The following SPTBN1 variants were observed in gnomAD, a reference collection of about 807,000 sequenced individuals.
SPTBN1 encodes the protein spectrin beta chain, non-erythrocytic 1.
A neutral mutation model predicts 266.4 loss-of-function variants in SPTBN1; 32 were observed. That is an observed-to-expected ratio of 0.12 (90% CI 0.09 to 0.16). The LOEUF is 0.16. Among genes scored for constraint, SPTBN1 ranks in the 10% least tolerant of loss-of-function variants. The pLI is 1.00. For synonymous variants in SPTBN1, 1,336 were observed against 1,162.2 expected, an observed-to-expected ratio of 1.15 and a Z score of -3.04; for missense variants, 2,296 against 3,067.1, an observed-to-expected ratio of 0.75 and a Z score of 5.94.
At chr2:54,643,988 TA>T (rs1679752906) in intron 19 of SPTBN1, among the ~76,000 whole-genome samples, 1 of 44,592 alleles carries the variant, frequency 2.2e-5, no homozygotes, top group Non-Finnish European at 6.3e-5. Flanking sequence ...ATAACAATAA[TA>T]ATAATAATAA....
At position 54,664,308 on chromosome 2, in the gene SPTBN1, C is replaced by T; in HGVS notation, c.6421-145C>T. 1 of 778,736 alleles carries T rather than the reference C, an allele frequency of 1.3e-6. No individual in the cohort carries two copies. The highest frequency in any genetic ancestry group is 1.9e-5 in the South Asian group (1 of 52,364). 48.2% of individuals were successfully genotyped at this position (778,736 alleles called of 1,614,324 possible). A position where few individuals can be genotyped will look rare whatever the true frequency, so the allele number is the denominator to read the frequency against. On this transcript the variant is annotated intron_variant, in intron 32 of 35. Transcript: ENST00000356805. The surrounding 1 kb of genome is among the most constrained non-coding windows in gnomAD (Gnocchi z 5.6). The stretch of plus-strand genomic sequence containing the variant: ...TCTAATGTCCTTGATGTCCAGCTGG[C>T]TTTGTGGGTGTGCAATGGTTTTACT...
At chr2:54,658,639 C>CA (rs933572153) in intron 30 of SPTBN1, among the ~76,000 whole-genome samples, 1 of 152,196 alleles carries the variant, frequency 6.6e-6, no homozygotes, top group African/African-American at 2.4e-5. Context: ...TGTGTTAAAA[C>CA]AGAGTACTTC....
At chr2:54,493,960 G>A (rs1432145538) in intron 1 of SPTBN1, among the ~76,000 whole-genome samples, 1 of 152,166 alleles carries the variant, frequency 6.6e-6, no homozygotes, top group Non-Finnish European at 1.5e-5. Flanking sequence ...TGGAACACAT[G>A]CAAAGAAAGG....
Position 54,646,992 on chromosome 2 carries a change from C to T in SPTBN1, c.4867-139C>T, listed in dbSNP as rs761208028. The T allele has an allele frequency of 5.3e-5, 66 of 1,239,460 alleles. No individual in the cohort carries two copies. Among genetic ancestry groups the T allele is most frequent in the Non-Finnish European group, 6.9e-5 (62 of 898,438 alleles). The allele number at this position is 1,239,460 out of a possible 1,614,324, so 76.8% of individuals were successfully genotyped here. ...GAAGCTCTTGGAACACTTCTGTGTT[C>T]CACTGTCCGTACTGCACCTCTGGAG... On this transcript the variant is annotated intron_variant, in intron 23 of 35. Coordinates refer to ENST00000356805, the MANE Select transcript of SPTBN1 (RefSeq NM_003128.3). This position sits in a 1 kb window ranked among gnomAD's most constrained non-coding sequence, Gnocchi z 4.4.
rs11896006 is a variant in SPTBN1, at chr2:54,628,552, C to G, written c.1798+302C>G. 2.6e-5 allele frequency among the ~76,000 whole-genome samples: 4 copies of G among 152,182 alleles called. No individual in the cohort carries two copies. Among genetic ancestry groups the G allele is most frequent in the Admixed American group, 6.5e-5 (1 of 15,278 alleles). On this transcript the variant is annotated intron_variant, in intron 13 of 35. Coordinates refer to ENST00000356805, the MANE Select transcript of SPTBN1 (RefSeq NM_003128.3). The surrounding 1 kb of genome is among the most constrained non-coding windows in gnomAD (Gnocchi z 4.3). ...GCACCGACACCCTGGTGTGGCTGTT[C>G]CAGCAGCTCCTGGCTTTCACAGCTG...
intron 2 of SPTBN1, among the ~76,000 whole-genome samples, chr2:54,549,971 C>A (rs1166787793): frequency 2.0e-5 from 3 of 152,152 alleles, no homozygotes; most frequent in African/African-American, 7.2e-5. Flanking sequence ...ATCTCAGTAG[C>A]CTGAGCATGG....
Position 54,668,870 on chromosome 2 carries a change from C to G in SPTBN1, c.*301C>G, listed in dbSNP as rs1681561452. ...TTTTGTGAGGCTGTGTTGGAAATAA[C>G]CCGCCTCTAGTGCTGTTGGTATGCA... On this transcript the variant is annotated 3_prime_UTR_variant, in exon 36 of 36. Coordinates refer to ENST00000356805, the MANE Select transcript of SPTBN1 (RefSeq NM_003128.3). 1 of 328,976 alleles carries G rather than the reference C, an allele frequency of 3.0e-6. No homozygotes were observed. The highest frequency in any genetic ancestry group is 5.7e-6 in the Non-Finnish European group (1 of 174,270). 20.4% of individuals were successfully genotyped at this position (328,976 alleles called of 1,614,324 possible).
chr2:54,653,076 T>C lies in SPTBN1; in HGVS notation c.5578-533T>C, dbSNP rs1409022535. 1 of 152,254 alleles carries C rather than the reference T, an allele frequency of 6.6e-6. No homozygotes were observed. The highest frequency in any genetic ancestry group is 2.4e-5 in the African/African-American group (1 of 41,466). 9.4% of individuals were successfully genotyped at this position (152,254 alleles called of 1,614,324 possible). ...CAAGTTTCACCTTCTTTAACGTTAA[T>C]TAGTTATTTTAACCACATAGGGTGC... On this transcript the variant is annotated intron_variant, in intron 26 of 35. Transcript: ENST00000356805. The surrounding 1 kb of genome is among the most constrained non-coding windows in gnomAD (Gnocchi z 5.1).
At chr2:54,522,117 G>C (rs1670478860) in intron 1 of SPTBN1, among the ~76,000 whole-genome samples, 1 of 151,652 alleles carries the variant, frequency 6.6e-6, no homozygotes, top group African/African-American at 2.4e-5. Flanking sequence ...GTCCAGTCTG[G>C]TCTTTAACGC....
Position 54,558,727 on chromosome 2 carries a change from G to A in SPTBN1, c.148+32161G>A, listed in dbSNP as rs1673056716. The stretch of plus-strand genomic sequence containing the variant: ...GCGTGTTGGATGGGAGTGGGAGGGG[G>A]CTGGAGCGAGATTTCCAGGGCGCAG... On this transcript the variant is annotated intron_variant, in intron 2 of 35. Transcript: ENST00000356805. The surrounding 1 kb of genome is among the most constrained non-coding windows in gnomAD (Gnocchi z 4.6). The A allele has an allele frequency of 5.7e-6, 9 of 1,588,470 alleles. No individual in the cohort carries two copies. The South Asian group carries it at 8.0e-5, about 14-fold the overall frequency.
chr2:54,520,034 A>G (rs546867260), intron 1 of SPTBN1, among the ~76,000 whole-genome samples: 76 of 152,264 alleles, frequency 5.0e-4, no homozygotes, highest in African/African-American at 1.6e-3. Context: ...AGACACCTGC[A>G]CCTTGCAGGG....
chr2:54,598,905 T>C (rs1184968442), intron 2 of SPTBN1, among the ~76,000 whole-genome samples, 187 bp from the exon 3 acceptor site: 1 of 152,244 alleles, frequency 6.6e-6, no homozygotes, highest in Non-Finnish European at 1.5e-5. Flanking sequence ...AAATTGTAAG[T>C]TGAACCATCA....
At chr2:54,575,139 A>G (rs527303490) in intron 2 of SPTBN1, among the ~76,000 whole-genome samples, 1 of 152,330 alleles carries the variant, frequency 6.6e-6, no homozygotes, top group South Asian at 2.1e-4. Flanking sequence ...CCATCAGCAC[A>G]TGGGTAGATT....
intron 18 of SPTBN1, among the ~76,000 whole-genome samples, chr2:54,638,664 T>C (rs1262252529): frequency 1.3e-5 from 2 of 152,244 alleles, no homozygotes; most frequent in African/African-American, 2.4e-5. Context: ...CACACCATAT[T>C]TCTCTGTCTG....
intron 2 of SPTBN1, among the ~76,000 whole-genome samples, chr2:54,574,306 G>T (rs1674306523): frequency 6.6e-6 from 1 of 152,120 alleles, no homozygotes; most frequent in South Asian, 2.1e-4. Context: ...GCCGGCCTTT[G>T]CACCTGGCTG....
intron 2 of SPTBN1, among the ~76,000 whole-genome samples, chr2:54,576,528 T>C (rs959127092): frequency 1.3e-5 from 2 of 152,150 alleles, no homozygotes; most frequent in Admixed American, 1.3e-4. Flanking sequence ...AAAACTCAAC[T>C]GACAAATCCT....
At chr2:54,508,042 C>T (rs1573298300) in intron 1 of SPTBN1, among the ~76,000 whole-genome samples, 1 of 151,964 alleles carries the variant, frequency 6.6e-6, no homozygotes, top group Non-Finnish European at 1.5e-5. Flanking sequence ...TTGGAGGGTA[C>T]CTTGCCACTG....
chr2:54,631,026 C>T lies in SPTBN1; in HGVS notation c.2979C>T (p.Ala993=). 6.2e-7 allele frequency: 1 copy of T among 1,614,012 alleles called. No homozygotes were observed. The highest frequency in any genetic ancestry group is 8.5e-7 in the Non-Finnish European group (1 of 1,179,914). Reference sequence around the variant, plus strand: ...GCAATGACCTGGCTGGCGTCATGGCCCTGCAGCGCAAGCTGACCGGCATGG... The same window carrying T: ...GCAATGACCTGGCTGGCGTCATGGCTCTGCAGCGCAAGCTGACCGGCATGG... ...DLGNDLAGVM[A]LQRKLTGMER... The change falls in exon 16 of 36, where the codon GCC becomes GCT. Residue 993 remains alanine, a synonymous_variant. Transcript: ENST00000356805.
intron 1 of SPTBN1, among the ~76,000 whole-genome samples, chr2:54,457,038 G>A (rs895250385): frequency 6.6e-6 from 1 of 151,750 alleles, no homozygotes; most frequent in East Asian, 1.9e-4. Flanking sequence ...GCGTAGCGGT[G>A]CAGGGGATGC....
Sources: gnomAD v4.1 joint callset for allele counts (sites outside exome capture counted in the v4.1 genomes callset) on GRCh38, gnomAD v4.1.1 for gene constraint, Gnocchi (gnomAD v3.1) non-coding constraint, MANE v1.5 for transcripts, NCBI Gene and HGNC (gene_info 2026-07-23, HGNC 2026-07-21) for gene names.